The following SEMA3E variants were observed in gnomAD, a reference collection of about 807,000 sequenced individuals.
SEMA3E encodes the protein semaphorin 3E, also known as semaphorin-3E.
SEMA3E carries 49 observed loss-of-function variants against 93.6 expected under a neutral mutation model. The ratio of observed to expected loss-of-function variants is 0.52; its 90% CI spans 0.42 to 0.66. The LOEUF is 0.66. Ranked by LOEUF, SEMA3E falls within the 30% of genes least tolerant of loss-of-function variation. The pLI, the probability that SEMA3E is intolerant of heterozygous loss-of-function variation, is 0.00. For missense variants in SEMA3E, 906 were observed against 964.8 expected (o/e 0.94, Z 0.81); for synonymous variants, 363 against 330.7 (o/e 1.10, Z -1.06).
At chr7:83,488,854 G>A (rs1790321699) in intron 2 of SEMA3E, among the ~76,000 whole-genome samples, 1 of 151,932 alleles carries the variant, frequency 6.6e-6, no homozygotes. Flanking sequence ...TACATTGAGA[G>A]GAGTATAAAA....
intron 5 of SEMA3E, 112 bp downstream of exon 5, chr7:83,418,278 A>G: frequency 1.2e-6 from 1 of 805,016 alleles, no homozygotes; most frequent in Non-Finnish European, 2.1e-6. Flanking sequence ...CAGAAAATAG[A>G]TATGACAAGG....
chr7:83,396,124 C>T (rs1317588166), intron 12 of SEMA3E, among the ~76,000 whole-genome samples: 2 of 151,708 alleles, frequency 1.3e-5, no homozygotes, highest in Non-Finnish European at 2.9e-5. Context: ...TGTATACACA[C>T]ATATATGTAT....
intron 1 of SEMA3E, among the ~76,000 whole-genome samples, chr7:83,588,871 C>G (rs1296414873): frequency 6.6e-6 from 1 of 152,084 alleles, no homozygotes; most frequent in Admixed American, 6.5e-5. Context: ...CTTGAAGCTC[C>G]TGGGGGATCT....
In SEMA3E at chr7:83,421,030, C is replaced by T. The variant is rs773272965; in HGVS notation, c.457-2547G>A. On this transcript the variant is annotated intron_variant, in intron 4 of 16. Coordinates refer to ENST00000643230, the MANE Select transcript of SEMA3E (RefSeq NM_012431.3). ...AACTATCAACAGAGTAAACAGACAA[C>T]TTACAGAATGTGAGAAAATATTTGC... 2.8e-5 allele frequency among the ~76,000 whole-genome samples: 4 copies of T among 142,302 alleles called. 1 individual carries two copies. The highest frequency in any genetic ancestry group is 6.4e-5 in the Non-Finnish European group (4 of 62,588). The allele number at this position is 142,302 out of a possible 152,430, so 93.4% of individuals were successfully genotyped here. A position where few individuals can be genotyped will look rare whatever the true frequency, so the allele number is the denominator to read the frequency against.
chr7:83,371,686 C>T (rs1794751011), intron 16 of SEMA3E: 2 of 151,920 alleles, frequency 1.3e-5, no homozygotes, highest in South Asian at 4.2e-4. Context: ...CAGAATCAAC[C>T]CCTCCTTTTC....
chr7:83,441,895 CCAAAGAA>C (rs918103114), intron 4 of SEMA3E, among the ~76,000 whole-genome samples: 24 of 152,126 alleles, frequency 1.6e-4, no homozygotes, highest in Middle Eastern at 3.4e-3. Flanking sequence ...TTATTTTTTT[CCAAAGAA>C]AAGACTAAGA....
chr7:83,638,206 G>A lies in SEMA3E; in HGVS notation c.115+10222C>T, dbSNP rs1245673752. Reference sequence around the variant, plus strand: ...TGTGTGGAAACAACACAGCTTTATCGTGCATGGTGAGCAATGAGGTCATTC... The same window carrying A: ...TGTGTGGAAACAACACAGCTTTATCATGCATGGTGAGCAATGAGGTCATTC... On this transcript the variant is annotated intron_variant, in intron 1 of 16. Transcript: ENST00000643230. Among the ~76,000 whole-genome samples the A allele has an allele frequency of 2.6e-5, 4 of 152,228 alleles. No homozygotes were observed. The South Asian group carries it at 6.2e-4, about 24-fold the overall frequency.
intron 1 of SEMA3E, among the ~76,000 whole-genome samples, chr7:83,590,247 A>C (rs1295346791): frequency 1.3e-5 from 2 of 152,144 alleles, no homozygotes; most frequent in African/African-American, 2.4e-5. Flanking sequence ...TTTACTGTGT[A>C]TCATTCTAGG....
At chr7:83,584,538 G>A (rs1381333116) in intron 1 of SEMA3E, among the ~76,000 whole-genome samples, 1 of 152,044 alleles carries the variant, frequency 6.6e-6, no homozygotes, top group African/African-American at 2.4e-5. Context: ...ATTTTAATAG[G>A]TGGTGTTGGA....
intron 4 of SEMA3E, among the ~76,000 whole-genome samples, chr7:83,428,976 T>C (rs1463423503): frequency 6.6e-6 from 1 of 152,176 alleles, no homozygotes; most frequent in African/African-American, 2.4e-5. Context: ...TTTGCAGTTT[T>C]ACCCACTTTA....
intron 14 of SEMA3E, among the ~76,000 whole-genome samples, chr7:83,390,461 A>G (rs1787997247): frequency 6.6e-6 from 1 of 152,072 alleles, no homozygotes; most frequent in African/African-American, 2.4e-5. Context: ...TATAAACCAT[A>G]GTGTATTTTG....
intron 1 of SEMA3E, among the ~76,000 whole-genome samples, chr7:83,513,675 G>C (rs1790871192): frequency 6.6e-6 from 1 of 152,050 alleles, no homozygotes; most frequent in Admixed American, 6.6e-5. Flanking sequence ...TCACATACAA[G>C]AGAAATGATT....
In SEMA3E at chr7:83,598,463, A is replaced by G. The variant is rs116514154; in HGVS notation, c.115+49965T>C. ...AATTAAATAATATAAAGAATTGAATATAGTGGCTTTTATAAAGTGACCTTG... is the reference window on the plus strand; with the variant it reads ...AATTAAATAATATAAAGAATTGAATGTAGTGGCTTTTATAAAGTGACCTTG... On this transcript the variant is annotated intron_variant, in intron 1 of 16. Transcript: ENST00000643230. 5.0e-3 allele frequency among the ~76,000 whole-genome samples: 765 copies of G among 152,334 alleles called. 4 individuals are homozygous for G. Among genetic ancestry groups the G allele is most frequent in the African/African-American group, 0.017 (704 of 41,586 alleles).
At chr7:83,646,086 A>G (rs1794076266) in intron 1 of SEMA3E, among the ~76,000 whole-genome samples, 1 of 151,968 alleles carries the variant, frequency 6.6e-6, no homozygotes, top group African/African-American at 2.4e-5. Flanking sequence ...AGCCTCCTGG[A>G]TTTCCTTGCT....
chr7:83,474,014 C>T (rs536343717), intron 2 of SEMA3E, among the ~76,000 whole-genome samples: 51 of 150,252 alleles, frequency 3.4e-4, no homozygotes, highest in African/African-American at 1.2e-3. Flanking sequence ...ATTGCTTGAA[C>T]CTGGGAGATG....
chr7:83,548,398 T>TA (rs1221771433), intron 1 of SEMA3E, among the ~76,000 whole-genome samples: 3 of 152,122 alleles, frequency 2.0e-5, no homozygotes, highest in African/African-American at 7.2e-5. Flanking sequence ...GTATGACTAT[T>TA]ACAATATTCT....
Position 83,467,109 on chromosome 7 carries a change from G to A in SEMA3E, c.337-508C>T, listed in dbSNP as rs1354371469. On this transcript the variant is annotated intron_variant, in intron 3 of 16. Coordinates refer to ENST00000643230, the MANE Select transcript of SEMA3E (RefSeq NM_012431.3). ...AGACAGGGTCTCACTCTGTTGCCCA[G>A]GCTGGAACACAGTGGTGTAATTTCA... Among the ~76,000 whole-genome samples the A allele has an allele frequency of 2.3e-5, 3 of 132,018 alleles. No individual in the cohort carries two copies. In the East Asian group the frequency reaches 6.8e-4, roughly 30 times the overall value. 86.6% of individuals were successfully genotyped at this position (132,018 alleles called of 152,430 possible).
In SEMA3E at chr7:83,363,719, A is replaced by T. The variant is rs191297351; in HGVS notation, c.*3867T>A. 2.6e-5 allele frequency: 4 copies of T among 152,344 alleles called. No homozygotes were observed. Among genetic ancestry groups the T allele is most frequent in the African/African-American group, 9.6e-5 (4 of 41,586 alleles). The allele number at this position is 152,344 out of a possible 1,614,324, so 9.4% of individuals were successfully genotyped here. On this transcript the variant is annotated 3_prime_UTR_variant, in exon 17 of 17. Coordinates refer to ENST00000643230, the MANE Select transcript of SEMA3E (RefSeq NM_012431.3). ...TGAGTCCTTTTTTAAAATGGAACTCAGTGTGACGCTCTGCTGTAAGAAAAA... is the reference window on the plus strand; with the variant it reads ...TGAGTCCTTTTTTAAAATGGAACTCTGTGTGACGCTCTGCTGTAAGAAAAA...
intron 1 of SEMA3E, among the ~76,000 whole-genome samples, chr7:83,522,737 C>T (rs547538671): frequency 3.9e-5 from 6 of 152,092 alleles, no homozygotes; most frequent in African/African-American, 1.4e-4. Flanking sequence ...TAAATGTTAC[C>T]ATTTTTTAGT....
Sources: gnomAD v4.1 joint callset for allele counts (sites outside exome capture counted in the v4.1 genomes callset) on GRCh38, gnomAD v4.1.1 for gene constraint, MANE v1.5 for transcripts, NCBI Gene and HGNC (gene_info 2026-07-23, HGNC 2026-07-21) for gene names.